The following PRKN variants were observed in gnomAD, a reference collection of about 807,000 sequenced individuals.
The protein encoded by PRKN is parkin RBR E3 ubiquitin protein ligase.
PRKN carries 56 observed loss-of-function variants against 59.5 expected under a neutral mutation model. The ratio of observed to expected loss-of-function variants is 0.94; its 90% CI spans 0.76 to 1.18. The LOEUF is 1.18. Ranked by LOEUF, PRKN falls within the 50% of genes most tolerant of loss-of-function variation. PRKN has a pLI of 0.00. For missense variants in PRKN, 657 were observed against 596.4 expected (o/e 1.10, Z -1.06); for synonymous variants, 250 against 222.1 (o/e 1.13, Z -1.12).
intron 1 of PRKN, among the ~76,000 whole-genome samples, chr6:162,718,705 T>C (rs1778817698): frequency 6.7e-6 from 1 of 150,054 alleles, no homozygotes; most frequent in Admixed American, 6.6e-5. Flanking sequence ...ACAGCAAGAC[T>C]CCGTCTCAAA....
At chr6:162,616,126 A>G (rs922084380) in intron 1 of PRKN, among the ~76,000 whole-genome samples, 1 of 152,180 alleles carries the variant, frequency 6.6e-6, no homozygotes, top group African/African-American at 2.4e-5. Flanking sequence ...CCTTCATTTA[A>G]GAGACAGAAT....
At chr6:162,434,087 A>G (rs1159887290) in intron 2 of PRKN, among the ~76,000 whole-genome samples, 1 of 152,208 alleles carries the variant, frequency 6.6e-6, no homozygotes, top group Non-Finnish European at 1.5e-5. Flanking sequence ...GACAGAATAA[A>G]ATCTTCAATC....
intron 1 of PRKN, among the ~76,000 whole-genome samples, chr6:162,487,126 A>G (rs1328602245): frequency 6.6e-6 from 1 of 152,142 alleles, no homozygotes; most frequent in African/African-American, 2.4e-5. Flanking sequence ...ATCACCTACT[A>G]AGAAGGTCTA....
intron 10 of PRKN, among the ~76,000 whole-genome samples, chr6:161,383,937 T>C (rs186675263): frequency 2.8e-4 from 43 of 152,322 alleles, no homozygotes; most frequent in Non-Finnish European, 4.6e-4. Flanking sequence ...TTAGTTTGGC[T>C]GGTTGGTTTG....
At chr6:162,118,599 T>G (rs2128304831) in intron 4 of PRKN, among the ~76,000 whole-genome samples, 1 of 152,254 alleles carries the variant, frequency 6.6e-6, no homozygotes, top group East Asian at 1.9e-4. Flanking sequence ...AGGCCTGAAG[T>G]CCTAACCTTG....
At chr6:161,505,903 G>C (rs926468108) in intron 9 of PRKN, among the ~76,000 whole-genome samples, 2 of 151,134 alleles carry the variant, frequency 1.3e-5, no homozygotes, top group African/African-American at 4.9e-5. Context: ...TTTGGTACCA[G>C]TACCATGCTG....
intron 2 of PRKN, among the ~76,000 whole-genome samples, chr6:162,297,859 C>G (rs765686120): frequency 6.6e-6 from 1 of 152,098 alleles, no homozygotes; most frequent in Non-Finnish European, 1.5e-5. Context: ...CCAGTCCTAG[C>G]TAAAAATCAT....
chr6:162,439,768 T>C (rs1440333314), intron 2 of PRKN, among the ~76,000 whole-genome samples: 1 of 152,000 alleles, frequency 6.6e-6, no homozygotes, highest in African/African-American at 2.4e-5. Context: ...GAATAGTAAG[T>C]ATCCTCTCTC....
intron 2 of PRKN, among the ~76,000 whole-genome samples, chr6:162,333,732 G>A (rs1368259522): frequency 1.3e-5 from 2 of 151,706 alleles, no homozygotes; most frequent in Admixed American, 6.6e-5. Context: ...ATGTTCAAGC[G>A]AAAGGCAGAG....
chr6:162,494,177 C>G (rs1792948723), intron 1 of PRKN, among the ~76,000 whole-genome samples: 1 of 152,182 alleles, frequency 6.6e-6, no homozygotes, highest in African/African-American at 2.4e-5. Flanking sequence ...TAGGTGGGAT[C>G]TGGAAGATGG....
At chr6:161,986,673 C>T (rs779689690) in intron 5 of PRKN, among the ~76,000 whole-genome samples, 4 of 152,026 alleles carry the variant, frequency 2.6e-5, no homozygotes, top group Admixed American at 1.3e-4. Context: ...TCAGGTGCGA[C>T]GAGAGCTTCT....
At chr6:162,689,983 G>C (rs941041098) in intron 1 of PRKN, among the ~76,000 whole-genome samples, 7 of 152,024 alleles carry the variant, frequency 4.6e-5, no homozygotes, top group African/African-American at 1.7e-4. Context: ...GAATATATGA[G>C]GACTCAGAAT....
At chr6:161,634,966 A>G (rs1783458646) in intron 7 of PRKN, among the ~76,000 whole-genome samples, 1 of 152,160 alleles carries the variant, frequency 6.6e-6, no homozygotes, top group African/African-American at 2.4e-5. Flanking sequence ...TTCTCACCCC[A>G]AAGAACCCGA....
chr6:162,466,044 C>T (rs1791398739), intron 1 of PRKN, among the ~76,000 whole-genome samples: 1 of 152,046 alleles, frequency 6.6e-6, no homozygotes. Flanking sequence ...ATTTTTCTTT[C>T]CTTGACATAC....
At chr6:162,010,624 ATATATAATATAT>A (rs1336263576) in intron 5 of PRKN, among the ~76,000 whole-genome samples, 2 of 3,038 alleles carry the variant, frequency 6.6e-4, no homozygotes, top group Non-Finnish European at 8.0e-4. Context: ...ATATTATATT[ATATATAATATAT>A]TATATAATAT....
intron 6 of PRKN, among the ~76,000 whole-genome samples, chr6:161,882,139 T>A (rs890971697): frequency 6.6e-6 from 1 of 152,146 alleles, no homozygotes; most frequent in Non-Finnish European, 1.5e-5. Flanking sequence ...AAACAAAACA[T>A]GTCCATTCCT....
chr6:162,339,946 C>G (rs990612312), intron 2 of PRKN, among the ~76,000 whole-genome samples: 3 of 148,254 alleles, frequency 2.0e-5, no homozygotes, highest in African/African-American at 7.5e-5. Flanking sequence ...GCAGCATGCT[C>G]GTTAAGAGTC....
intron 9 of PRKN, among the ~76,000 whole-genome samples, chr6:161,519,359 T>C (rs1583182018): frequency 6.6e-6 from 1 of 152,164 alleles, no homozygotes; most frequent in Non-Finnish European, 1.5e-5. Flanking sequence ...GAGCCTCCAT[T>C]AAAATGCAGA....
chr6:161,760,710 C>T (rs1175438837), intron 7 of PRKN, among the ~76,000 whole-genome samples: 3 of 152,198 alleles, frequency 2.0e-5, no homozygotes, highest in Non-Finnish European at 4.4e-5. Context: ...CCGTCCATGG[C>T]TGAACTAAGG....
Sources: gnomAD v4.1 joint callset for allele counts (sites outside exome capture counted in the v4.1 genomes callset) on GRCh38, gnomAD v4.1.1 for gene constraint, MANE v1.5 for transcripts, NCBI Gene and HGNC (gene_info 2026-07-23, HGNC 2026-07-21) for gene names.